Variants in OVCH1 observed in about 807,000 individuals in gnomAD.
OVCH1 encodes ovochymase 1, also known as ovochymase-1.
Under a neutral mutation model 138.4 loss-of-function variants are expected in OVCH1, and 139 were observed. The ratio of observed to expected loss-of-function variants is 1.00; its 90% CI spans 0.87 to 1.16. The LOEUF (loss-of-function observed/expected upper bound fraction) is 1.16. Among genes scored for constraint, OVCH1 ranks in the 50% most tolerant of loss-of-function variants. OVCH1 has a pLI of 0.00. For synonymous variants in OVCH1, 453 were observed against 467.8 expected, an observed-to-expected ratio of 0.97 and a Z score of 0.41; for missense variants, 1,367 against 1,357.9, an observed-to-expected ratio of 1.01 and a Z score of -0.11.
At chr12:29,433,877 C>T in intron 26 of OVCH1, 2 of 1,129,596 alleles carry the variant, frequency 1.8e-6, no homozygotes, top group Non-Finnish European at 1.1e-6. Flanking sequence ...TTAACATGTC[C>T]AAAAAAAAAA....
intron 6 of OVCH1, among the ~76,000 whole-genome samples, chr12:29,488,639 A>G (rs558217468): frequency 4.0e-5 from 6 of 151,238 alleles, no homozygotes; most frequent in Admixed American, 1.3e-4. Flanking sequence ...AAAAAAAAAA[A>G]AAAAGAAAGG....
At chr12:29,427,762 GTCTA>G (rs1227842335) in intron 27 of OVCH1, 2 of 1,388,584 alleles carry the variant, frequency 1.4e-6, no homozygotes, top group African/African-American at 1.4e-5. Flanking sequence ...AGCAACAGGG[GTCTA>G]TATTCATTAG....
intron 22 of OVCH1, among the ~76,000 whole-genome samples, chr12:29,446,621 T>G (rs575315818): frequency 6.6e-6 from 1 of 152,178 alleles, no homozygotes; most frequent in South Asian, 2.1e-4. Context: ...TAATCTACAA[T>G]GAAGTTAAGC....
chr12:29,426,598 T>C (rs1941182849), downstream of OVCH1, among the ~76,000 whole-genome samples: 1 of 152,192 alleles, frequency 6.6e-6, no homozygotes, highest in African/African-American at 2.4e-5. Flanking sequence ...TTTTTCTCCC[T>C]GTCATATTTT....
intron 19 of OVCH1, among the ~76,000 whole-genome samples, chr12:29,456,597 C>T (rs1941957852): frequency 6.6e-6 from 1 of 152,194 alleles, no homozygotes; most frequent in Non-Finnish European, 1.5e-5. Context: ...GTACATCACA[C>T]ACATTTATCT....
intron 4 of OVCH1, 91 bp from the exon 5 acceptor site, chr12:29,491,283 T>C (rs1223026466): frequency 3.8e-6 from 4 of 1,062,570 alleles, no homozygotes; most frequent in Non-Finnish European, 5.6e-6. Context: ...TCATGGCTTC[T>C]ACACTTTCTT....
In OVCH1 at chr12:29,481,816, C is replaced by T. The variant is rs1478110515; in HGVS notation, c.996-2908G>A. Among the ~76,000 whole-genome samples, 5 of 152,180 alleles carry T rather than the reference C, an allele frequency of 3.3e-5. No individual in the cohort carries two copies. The East Asian group carries it at 9.6e-4, about 29-fold the overall frequency. On this transcript the variant is annotated intron_variant, in intron 8 of 27. Transcript: ENST00000318184. Reference sequence around the variant, plus strand: ...CATCTCAGACAACAGTTCTATTCTTCCAATAGCTCAGGTTAAAAACTGTTA... The same window carrying T: ...CATCTCAGACAACAGTTCTATTCTTTCAATAGCTCAGGTTAAAAACTGTTA...
At chr12:29,438,161 TTAGG>T (rs1339573800) in intron 26 of OVCH1, among the ~76,000 whole-genome samples, 1 of 152,142 alleles carries the variant, frequency 6.6e-6, no homozygotes, top group Non-Finnish European at 1.5e-5. Context: ...TTTTAATGCC[TTAGG>T]TAAACTAACT....
intron 16 of OVCH1, among the ~76,000 whole-genome samples, chr12:29,471,401 T>C (rs1942503037): frequency 6.6e-6 from 1 of 152,186 alleles, no homozygotes; most frequent in Non-Finnish European, 1.5e-5. Flanking sequence ...AGGTGGCTTG[T>C]GTGGTAAGGC....
At chr12:29,445,327 G>A in exon 23 of OVCH1, 1 of 1,611,594 alleles carries the variant, frequency 6.2e-7, no homozygotes, top group East Asian at 2.2e-5. Context: ...CTCGTACAAG[G>A]GCATGGAATG....
At chr12:29,496,057 TG>T in intron 3 of OVCH1, 123 bp downstream of exon 3, 1 of 774,562 alleles carries the variant, frequency 1.3e-6, no homozygotes, top group Non-Finnish European at 2.1e-6. Context: ...GATCAGTGGG[TG>T]GGTACACTGG....
At chr12:29,473,371 A>G (rs1259408370) in intron 14 of OVCH1, among the ~76,000 whole-genome samples, 1 of 152,124 alleles carries the variant, frequency 6.6e-6, no homozygotes, top group Non-Finnish European at 1.5e-5. Flanking sequence ...GCTGTTTTCA[A>G]TATCAGTCTT....
intron 3 of OVCH1, among the ~76,000 whole-genome samples, chr12:29,420,067 G>A (rs1941082014): frequency 6.6e-6 from 1 of 152,144 alleles, no homozygotes; most frequent in African/African-American, 2.4e-5. Flanking sequence ...TTTGGCTATG[G>A]GACATCATGT....
chr12:29,405,039 A>AC, the OVCH1 span, among the ~76,000 whole-genome samples: 2 of 147,894 alleles, frequency 1.4e-5, no homozygotes, highest in African/African-American at 2.5e-5. Context: ...AAAAAAAAAA[A>AC]AAAAAAAAAA....
intron 6 of OVCH1, 151 bp downstream of exon 6, chr12:29,489,469 T>C: frequency 1.1e-6 from 1 of 908,826 alleles, no homozygotes; most frequent in Non-Finnish European, 1.6e-6. Flanking sequence ...TCAGGTCAAG[T>C]ACACTTTTTC....
chr12:29,420,175 A>G (rs1479325958), intron 3 of OVCH1, among the ~76,000 whole-genome samples: 3 of 152,228 alleles, frequency 2.0e-5, no homozygotes, highest in Admixed American at 6.5e-5. Flanking sequence ...GAATTTTCAG[A>G]TAATGTCTCA....
downstream of OVCH1, among the ~76,000 whole-genome samples, chr12:29,409,159 C>A (rs1317245911): frequency 6.6e-6 from 1 of 151,064 alleles, no homozygotes; most frequent in Admixed American, 6.6e-5. Context: ...GTGATATCCC[C>A]TTTATCATTT....
At chr12:29,444,641 T>C (rs997441769) in intron 23 of OVCH1, among the ~76,000 whole-genome samples, 4 of 152,068 alleles carry the variant, frequency 2.6e-5, no homozygotes, top group African/African-American at 9.7e-5. Flanking sequence ...TAATTAACTT[T>C]TTCCAAATAT....
intron 23 of OVCH1, 21 bp downstream of exon 23, chr12:29,445,257 T>C (rs1941580771): frequency 6.3e-7 from 1 of 1,592,422 alleles, no homozygotes; most frequent in Non-Finnish European, 8.6e-7. Context: ...CTTTACAAGT[T>C]TATAAAATAA....
Sources: gnomAD v4.1 joint callset for allele counts (sites outside exome capture counted in the v4.1 genomes callset) on GRCh38, gnomAD v4.1.1 for gene constraint, MANE v1.5 for transcripts, NCBI Gene and HGNC (gene_info 2026-07-23, HGNC 2026-07-21) for gene names.